The following SSTR3 variants were observed in gnomAD, a reference collection of about 807,000 sequenced individuals.
The protein encoded by SSTR3 is somatostatin receptor type 3.
For synonymous variants in SSTR3, 281 were observed against 269.2 expected (o/e 1.04, Z -0.43); for missense variants, 504 against 604.7 (o/e 0.83, Z 1.75).
chr22:37,218,978 CCCA>C, the SSTR3 span, among the ~76,000 whole-genome samples: 1 of 152,148 alleles, frequency 6.6e-6, no homozygotes, highest in East Asian at 1.9e-4. Context: ...CCTACTCCAC[CCCA>C]CCATGTAGCA....
chr22:37,212,551 C>T (rs1389775117), upstream of SSTR3, among the ~76,000 whole-genome samples: 1 of 151,380 alleles, frequency 6.6e-6, no homozygotes, highest in Admixed American at 6.6e-5. Context: ...GGAGGAGGCC[C>T]GGAGAGGGAG....
In SSTR3 at chr22:37,206,669, G is replaced by A. The variant is rs1925776683; in HGVS notation, c.1135C>T (p.Gln379Ter). Residue 379 changes from glutamine (Q) to a stop codon, truncating the protein, a stop_gained, in exon 2 of 2, where the codon CAG becomes TAG. Coordinates refer to ENST00000610913, the MANE Select transcript of SSTR3 (RefSeq NM_001051.5). LOFTEE classifies it low-confidence loss of function (END_TRUNC). ...CGCTCCTGCCCGCTGGTGCCAGGCT[G>A]CGTGATCTGGCTGACCCGGCCGTTC... ...EMNGRVSQIT[Q>*]PGTSGQERPP... 3 of 1,609,820 alleles carry A rather than the reference G, an allele frequency of 1.9e-6. No individual in the cohort carries two copies. Among genetic ancestry groups the A allele is most frequent in the Non-Finnish European group, 2.5e-6 (3 of 1,180,000 alleles).
Position 37,212,237 on chromosome 22 carries a change from G to C in SSTR3, c.-449C>G. On this transcript the variant is annotated 5_prime_UTR_variant, in exon 1 of 2. Coordinates refer to ENST00000610913, the MANE Select transcript of SSTR3 (RefSeq NM_001051.5). ...AGAGAGAGAGAGAAAGAGGGAGGGG[G>C]AGAGAGAGAGAGGGAGAGGGAGAGG... is the stretch of plus-strand genomic sequence containing the variant. The C allele has an allele frequency of 1.7e-5, 9 of 523,930 alleles. No homozygotes were observed. Among genetic ancestry groups the C allele is most frequent in the Non-Finnish European group, 2.0e-5 (8 of 409,966 alleles). The allele number at this position is 523,930 out of a possible 1,614,324, so 32.5% of individuals were successfully genotyped here. A position where few individuals can be genotyped will look rare whatever the true frequency, so the allele number is the denominator to read the frequency against.
Position 37,207,064 on chromosome 22 carries a change from C to T in SSTR3, c.740G>A (p.Arg247Gln), listed in dbSNP as rs766144463. The T allele has an allele frequency of 8.1e-6, 13 of 1,611,986 alleles. No individual in the cohort carries two copies. The highest frequency in any genetic ancestry group is 5.0e-5 in the Admixed American group (3 of 59,946). The change falls in exon 2 of 2, where the codon CGG (arginine) becomes CAG (glutamine). Residue 247 changes from arginine (R) to glutamine (Q), a missense_variant. Physicochemically the swap from Arg to Gln is conservative, Grantham distance 43. Coordinates refer to ENST00000610913, the MANE Select transcript of SSTR3 (RefSeq NM_001051.5). Reference protein sequence around the residue: ...GRRVWAPSCQRRRRSERRVTR... With the variant: ...GRRVWAPSCQQRRRSERRVTR... ...GACCCTGCGTTCGGAGCGCCGCCGC[C>T]GCTGGCACGAGGGTGCCCACACCCG...
At chr22:37,215,120 G>A (rs1015391903), upstream of SSTR3, among the ~76,000 whole-genome samples, 5 of 152,134 alleles carry the variant, frequency 3.3e-5, no homozygotes, top group Admixed American at 2.0e-4. Context: ...AATAGTCCCC[G>A]CTTTATGCCC....
At chr22:37,213,659 G>T (rs1196568262), upstream of SSTR3, among the ~76,000 whole-genome samples, 1 of 152,162 alleles carries the variant, frequency 6.6e-6, no homozygotes, top group East Asian at 1.9e-4. Context: ...GTCCTTGTCC[G>T]TACAAGTTCA....
chr22:37,209,112 G>A (rs1004720721), intron 1 of SSTR3, among the ~76,000 whole-genome samples: 1 of 152,244 alleles, frequency 6.6e-6, no homozygotes, highest in Non-Finnish European at 1.5e-5. Context: ...TCTCAGAGGA[G>A]AAGCCCTTCT....
chr22:37,207,523 A>C lies in SSTR3; in HGVS notation c.281T>G (p.Met94Arg), dbSNP rs1601653516. 1 of 1,613,476 alleles carries C rather than the reference A, an allele frequency of 6.2e-7. No homozygotes were observed. The highest frequency in any genetic ancestry group is 8.5e-7 in the Non-Finnish European group (1 of 1,179,930). Residue 94 changes from methionine to arginine, a missense_variant, in exon 2 of 2, where the codon ATG (methionine) becomes AGG (arginine). Coordinates refer to ENST00000610913, the MANE Select transcript of SSTR3 (RefSeq NM_001051.5). Reference protein sequence around the residue: ...LNLALADELFMLGLPFLAAQN... With the variant: ...LNLALADELFRLGLPFLAAQN... ...GGCGGCCAGGAAGGGCAGCCCCAGC[A>C]TGAAGAGCTCGTCGGCCAGCGCCAG...
chr22:37,212,236 G>GGAGAGA lies in SSTR3; in HGVS notation c.-454_-449dup, dbSNP rs370802114. On this transcript the variant is annotated 5_prime_UTR_variant, in exon 1 of 2. Coordinates refer to ENST00000610913, the MANE Select transcript of SSTR3 (RefSeq NM_001051.5). ...GAGAGAGAGAGAGAAAGAGGGAGGG[G>GGAGAGA]GAGAGAGAGAGAGGGAGAGGGAGAG... 5 of 686,774 alleles carry GGAGAGA rather than the reference G, an allele frequency of 7.3e-6. No individual in the cohort carries two copies. The highest frequency in any genetic ancestry group is 9.0e-6 in the Non-Finnish European group (5 of 558,232). The allele number at this position is 686,774 out of a possible 1,614,324, so 42.5% of individuals were successfully genotyped here.
the SSTR3 span, among the ~76,000 whole-genome samples, chr22:37,217,988 G>T: frequency 2.0e-5 from 3 of 152,172 alleles, no homozygotes; most frequent in African/African-American, 7.2e-5. Context: ...ACAGGAATGA[G>T]CTACTGAGCC....
rs143323494 is a variant in SSTR3, at chr22:37,207,319, G to A, written c.485C>T (p.Thr162Met). Residue 162 changes from threonine to methionine, a missense_variant, in exon 2 of 2, where the codon ACG (threonine) becomes ATG (methionine). By Grantham distance (81) the Thr-to-Met change is moderately conservative. Coordinates refer to ENST00000610913, the MANE Select transcript of SSTR3 (RefSeq NM_001051.5). ...ARWRTAPVARTVSAAVWVASA... is the reference protein window; with the variant it reads ...ARWRTAPVARMVSAAVWVASA... ...GGCCACCCACACAGCCGCGCTGACCGTGCGGGCCACCGGAGCTGTGCGCCA... is the reference window on the plus strand; with the variant it reads ...GGCCACCCACACAGCCGCGCTGACCATGCGGGCCACCGGAGCTGTGCGCCA... 3.1e-5 allele frequency: 49 copies of A among 1,596,548 alleles called. No individual in the cohort carries two copies. In the African/African-American group the frequency reaches 4.0e-4, roughly 13 times the overall value.
chr22:37,216,793 TTTTTGTTTTG>T (rs1555907066), upstream of SSTR3, among the ~76,000 whole-genome samples: 5 of 151,364 alleles, frequency 3.3e-5, no homozygotes, highest in Non-Finnish European at 7.4e-5. Flanking sequence ...CCTTGGGGTT[TTTTTGTTTTG>T]TTTTGTTTTG....
chr22:37,220,354 C>T, the SSTR3 span, among the ~76,000 whole-genome samples: 1 of 152,118 alleles, frequency 6.6e-6, no homozygotes, highest in Non-Finnish European at 1.5e-5. Context: ...AGACATACCC[C>T]CAGCCTGGCC....
chr22:37,213,742 C>A (rs1926314833), upstream of SSTR3, among the ~76,000 whole-genome samples: 1 of 152,168 alleles, frequency 6.6e-6, no homozygotes, highest in African/African-American at 2.4e-5. Context: ...TGACCACCCA[C>A]CCCTACCCAC....
At chr22:37,217,153 G>A (rs1434659203), upstream of SSTR3, among the ~76,000 whole-genome samples, 2 of 151,832 alleles carry the variant, frequency 1.3e-5, no homozygotes, top group Admixed American at 6.6e-5. Flanking sequence ...GAGAAGGTGT[G>A]CATGTTTCAA....
Position 37,211,831 on chromosome 22 carries a change from A to G in SSTR3, c.-43T>C, listed in dbSNP as rs1926208675. 2.7e-5 allele frequency: 27 copies of G among 985,452 alleles called. No individual in the cohort carries two copies. The highest frequency in any genetic ancestry group is 3.1e-5 in the Non-Finnish European group (26 of 830,124). The allele number at this position is 985,452 out of a possible 1,614,324, so 61.0% of individuals were successfully genotyped here. ...CGGGCCCCAGCCTCCTTACCTGCCC[A>G]TGGGGTGAGGGCTTCCCTCCTTGCC... is the stretch of plus-strand genomic sequence containing the variant. On this transcript the variant is annotated 5_prime_UTR_variant, in exon 1 of 2. An upstream start codon of the reference 5' UTR is lost. Transcript: ENST00000610913.
At position 37,206,091 on chromosome 22, in the gene SSTR3, G is replaced by A. The variant is rs229566; in HGVS notation, c.*456C>T. 0.39 allele frequency: 60,492 copies of A among 156,590 alleles called. 12,314 individuals are homozygous for A. The highest frequency in any genetic ancestry group is 0.53 in the African/African-American group (22,134 of 41,528). The allele number at this position is 156,590 out of a possible 1,614,324, so 9.7% of individuals were successfully genotyped here. A position where few individuals can be genotyped will look rare whatever the true frequency, so the allele number is the denominator to read the frequency against. ...CCATTTCTGCCCCACTCCTCCCACC[G>A]GGTTAGGCTTTCTTCTGTTTAGGTT... On this transcript the variant is annotated 3_prime_UTR_variant, in exon 2 of 2. Transcript: ENST00000610913.
Position 37,211,602 on chromosome 22 carries a change from G to A in SSTR3, c.-37+223C>T, listed in dbSNP as rs578210641. 2.2e-4 allele frequency among the ~76,000 whole-genome samples: 34 copies of A among 152,236 alleles called. No individual in the cohort carries two copies. In the South Asian group the frequency reaches 5.6e-3, roughly 25 times the overall value. On this transcript the variant is annotated intron_variant, in intron 1 of 1. Coordinates refer to ENST00000610913, the MANE Select transcript of SSTR3 (RefSeq NM_001051.5). ...GCTCCCTCCAGCCCTGACAGCCTGC[G>A]ATTCTGTGATTCCGAGATCCTAGAA...
intron 1 of SSTR3, among the ~76,000 whole-genome samples, chr22:37,209,549 T>G (rs1926066351): frequency 6.6e-6 from 1 of 152,174 alleles, no homozygotes; most frequent in East Asian, 1.9e-4. Context: ...GGCTAGAGGA[T>G]CCTAACAGTG....
Sources: allele counts gnomAD v4.1 joint callset (sites outside exome capture counted in the v4.1 genomes callset), GRCh38; gene constraint gnomAD v4.1.1; transcripts MANE v1.5; gene names NCBI Gene and HGNC (gene_info 2026-07-23, HGNC 2026-07-21).